The following ADRA1B variants were observed in gnomAD, a reference collection of about 807,000 sequenced individuals.
ADRA1B encodes adrenoceptor alpha 1B, also known as alpha-1B adrenergic receptor.
In ADRA1B, 17 loss-of-function variants were observed where a neutral mutation model predicts 17.9. The observed-to-expected ratio is 0.95, with a 90% CI of 0.65 to 1.42. The LOEUF is 1.42. Ranked by LOEUF, ADRA1B falls within the 40% of genes most tolerant of loss-of-function variation. ADRA1B has a pLI of 0.00. For missense variants in ADRA1B, 681 were observed against 722.1 expected (o/e 0.94, Z 0.65); for synonymous variants, 366 against 327.6 (o/e 1.12, Z -1.27).
chr5:159,916,377 G>A (rs1485141395), upstream of ADRA1B: 1 of 151,732 alleles, frequency 6.6e-6, no homozygotes, highest in South Asian at 2.1e-4. Context: ...CGGCTTGCGG[G>A]GTGGCGGCGT....
intron 1 of ADRA1B, among the ~76,000 whole-genome samples, chr5:159,884,920 G>T (rs1753907005): frequency 6.6e-6 from 1 of 152,246 alleles, no homozygotes; most frequent in Non-Finnish European, 1.5e-5. Flanking sequence ...ACTCACTGTT[G>T]TGAGTGACAG....
chr5:159,920,178 ACCAG>A (rs990450080), intron 1 of ADRA1B, among the ~76,000 whole-genome samples: 2 of 152,150 alleles, frequency 1.3e-5, no homozygotes, highest in African/African-American at 4.8e-5. Context: ...TAGTCCACAG[ACCAG>A]GCTTTGAGAA....
intron 1 of ADRA1B, chr5:159,955,244 C>A: frequency 1.0e-6 from 1 of 960,146 alleles, no homozygotes; most frequent in Admixed American, 6.2e-5. Flanking sequence ...GGTATGAGTC[C>A]CATATGTGGC....
intron 1 of ADRA1B, among the ~76,000 whole-genome samples, chr5:159,936,092 C>T (rs149957227): frequency 6.6e-6 from 1 of 152,316 alleles, no homozygotes; most frequent in East Asian, 1.9e-4. Context: ...TAGTTCTCAA[C>T]CAACAGCAAT....
At chr5:159,976,118 A>T (rs980813009), downstream of ADRA1B, among the ~76,000 whole-genome samples, 1 of 152,222 alleles carries the variant, frequency 6.6e-6, no homozygotes, top group Non-Finnish European at 1.5e-5. Context: ...TCATAGGGAC[A>T]TTGGGGGATC....
chr5:159,972,656 C>T lies in ADRA1B; in HGVS notation c.*164C>T. ...GGGGCAGCTGCTTTTCTGGCAGGGG[C>T]ATGGGTGCCAGGTACCACGCGGAAA... On this transcript the variant is annotated 3_prime_UTR_variant, in exon 2 of 2. Coordinates refer to ENST00000306675, the MANE Select transcript of ADRA1B (RefSeq NM_000679.4). 6 of 837,436 alleles carry T rather than the reference C, an allele frequency of 7.2e-6. No individual in the cohort carries two copies. The highest frequency in any genetic ancestry group is 1.0e-5 in the Non-Finnish European group (6 of 589,158). 51.9% of individuals were successfully genotyped at this position (837,436 alleles called of 1,614,324 possible).
At chr5:159,925,880 T>G (rs182588775) in intron 1 of ADRA1B, among the ~76,000 whole-genome samples, 1 of 152,342 alleles carries the variant, frequency 6.6e-6, no homozygotes. Context: ...AAACTTTGTG[T>G]GGCCATGGTG....
chr5:159,972,159 C>T lies in ADRA1B; in HGVS notation c.1230C>T (p.Ser410=). 1 of 1,359,876 alleles carries T rather than the reference C, an allele frequency of 7.4e-7. No individual in the cohort carries two copies. The highest frequency in any genetic ancestry group is 9.5e-7 in the Non-Finnish European group (1 of 1,047,458). The allele number at this position is 1,359,876 out of a possible 1,614,324, so 84.2% of individuals were successfully genotyped here. The part of the protein sequence containing the change: ...SQSRKDSLDD[S]GSCLSGSQRT... ...CGCGCAAGGACTCGCTGGACGACAG[C>T]GGCAGCTGCCTGAGCGGCAGCCAGC... Residue 410 remains serine (S), a synonymous_variant, in exon 2 of 2, where the codon AGC becomes AGT. Coordinates refer to ENST00000306675, the MANE Select transcript of ADRA1B (RefSeq NM_000679.4).
At chr5:159,961,114 A>G (rs1755658013) in intron 1 of ADRA1B, among the ~76,000 whole-genome samples, 1 of 152,256 alleles carries the variant, frequency 6.6e-6, no homozygotes. Flanking sequence ...GTTTAAGGAA[A>G]TGAATAAATG....
chr5:159,899,684 C>A lies in ADRA1B; in HGVS notation c.-255-16435C>A, dbSNP rs572313869. 2.0e-5 allele frequency among the ~76,000 whole-genome samples: 3 copies of A among 152,282 alleles called. No homozygotes were observed. The East Asian group carries it at 5.8e-4, about 29-fold the overall frequency. Reference sequence around the variant, plus strand: ...CACAACGGCACCCGGCAGCCCTACTCCTGTGATGCCTTATGGAAATGAAAA... The same window carrying A: ...CACAACGGCACCCGGCAGCCCTACTACTGTGATGCCTTATGGAAATGAAAA... On this transcript the variant is annotated intron_variant, in intron 1 of 2. Coordinates refer to the ADRA1B transcript ENST00000641205.
the ADRA1B span, among the ~76,000 whole-genome samples, chr5:159,984,320 C>T: frequency 6.6e-6 from 1 of 152,090 alleles, no homozygotes; most frequent in East Asian, 1.9e-4. Context: ...TTGTTTCTTT[C>T]CCACAATGGC....
At chr5:159,939,331 GCGCGCA>G (rs70987982) in intron 1 of ADRA1B, among the ~76,000 whole-genome samples, 15,658 of 149,112 alleles carry the variant, frequency 0.11, 1,031 homozygotes, top group Non-Finnish European at 0.14. Flanking sequence ...GTGCGCGCGC[GCGCGCA>G]CACAATGCAC....
chr5:159,921,687 T>C (rs541456872), intron 1 of ADRA1B, among the ~76,000 whole-genome samples: 7 of 152,344 alleles, frequency 4.6e-5, no homozygotes, highest in African/African-American at 1.7e-4. Context: ...AACTAACTGC[T>C]TTCCCCTCCA....
chr5:159,939,276 A>AGAGAGAGT (rs1755043202), intron 1 of ADRA1B, among the ~76,000 whole-genome samples: 1 of 71,914 alleles, frequency 1.4e-5, no homozygotes, highest in Non-Finnish European at 2.6e-5. Flanking sequence ...AGAGAGAGAG[A>AGAGAGAGT]GAGTGTGTGT....
At chr5:159,943,943 C>A (rs902736215) in intron 1 of ADRA1B, among the ~76,000 whole-genome samples, 25 of 150,368 alleles carry the variant, frequency 1.7e-4, no homozygotes, top group African/African-American at 6.1e-4. Context: ...CACACACAAA[C>A]ACACACACAC....
At chr5:159,926,412 C>A (rs1396582095) in intron 1 of ADRA1B, among the ~76,000 whole-genome samples, 1 of 152,160 alleles carries the variant, frequency 6.6e-6, no homozygotes, top group African/African-American at 2.4e-5. Flanking sequence ...AGGCTGCAAA[C>A]CTTTGCAGGG....
At chr5:159,866,695 G>T (rs1226644329) in intron 1 of ADRA1B, among the ~76,000 whole-genome samples, 1 of 152,006 alleles carries the variant, frequency 6.6e-6, no homozygotes, top group East Asian at 1.9e-4. Flanking sequence ...ATGGGAGAAT[G>T]TCTCCCAAAA....
intron 1 of ADRA1B, among the ~76,000 whole-genome samples, chr5:159,876,385 A>G (rs1753802725): frequency 6.6e-6 from 1 of 152,194 alleles, no homozygotes; most frequent in African/African-American, 2.4e-5. Context: ...GAAGAAAGAG[A>G]GAGAATGGGA....
intron 1 of ADRA1B, chr5:159,948,066 G>C (rs752521041): frequency 1.3e-4 from 124 of 985,324 alleles, no homozygotes; most frequent in Non-Finnish European, 1.5e-4. Flanking sequence ...ATTAAACTTG[G>C]AATCCTGACT....
Sources: gnomAD v4.1 joint callset for allele counts (sites outside exome capture counted in the v4.1 genomes callset) on GRCh38, gnomAD v4.1.1 for gene constraint, MANE v1.5 for transcripts, NCBI Gene and HGNC (gene_info 2026-07-23, HGNC 2026-07-21) for gene names.